Variants in XIAP observed in about 807,000 individuals in gnomAD.
XIAP encodes the protein X-linked inhibitor of apoptosis.
Under a neutral mutation model 33.1 loss-of-function variants are expected in XIAP, and 3 were observed. The ratio of observed to expected loss-of-function variants is 0.09; its 90% CI spans 0.04 to 0.23. The LOEUF is 0.23. Ranked by LOEUF, XIAP falls within the 10% of genes least tolerant of loss-of-function variation. The pLI, the probability that XIAP is intolerant of heterozygous loss-of-function variation, is 1.00. For missense variants in XIAP, 264 were observed against 363.0 expected (o/e 0.73, Z 2.22); for synonymous variants, 98 against 121.3 (o/e 0.81, Z 1.26).
At position 123,912,486 on chromosome X, in the gene XIAP, T is replaced by C; in HGVS notation, c.*5305T>C. On this transcript the variant is annotated 3_prime_UTR_variant, in exon 7 of 7. Transcript: ENST00000371199. ...CCTGTCTCTACAAAAAATACAAAAA[T>C]TAGCTGGGCATGGTGGTGTGTGCCT... 1 of 327,533 alleles carries C rather than the reference T, an allele frequency of 3.1e-6. No individual in the cohort carries two copies. The highest frequency in any genetic ancestry group is 5.9e-6 in the Non-Finnish European group (1 of 169,543). The allele number at this position is 327,533 out of a possible 1,213,427, so 27.0% of individuals were successfully genotyped here.
intron 1 of XIAP, among the ~76,000 whole-genome samples, chrX:123,866,601 TTATA>T (rs937641173): frequency 2.9e-5 from 3 of 102,469 alleles, no homozygotes; most frequent in Non-Finnish European, 3.9e-5. Flanking sequence ...GTATAATATA[TTATA>T]TATAATATAT....
intron 5 of XIAP, among the ~76,000 whole-genome samples, chrX:123,898,074 T>G (rs2053476946): frequency 8.9e-6 from 1 of 112,170 alleles, no homozygotes; most frequent in Admixed American, 9.5e-5. Flanking sequence ...AATCCTGCAC[T>G]TTTTTCTCCT....
At chrX:123,905,873 T>A (rs2053552653) in intron 6 of XIAP, among the ~76,000 whole-genome samples, 1 of 112,373 alleles carries the variant, frequency 8.9e-6, no homozygotes, top group South Asian at 3.7e-4. Context: ...ATGACAGTGG[T>A]TCTCAAACGC....
intron 5 of XIAP, among the ~76,000 whole-genome samples, chrX:123,894,653 A>G (rs1309888537): frequency 9.0e-6 from 1 of 111,016 alleles, no homozygotes; most frequent in Non-Finnish European, 1.9e-5. Context: ...CTGTAATCCC[A>G]GCTACTTGGG....
intron 1 of XIAP, among the ~76,000 whole-genome samples, chrX:123,883,459 A>G (rs1202289954): frequency 9.4e-6 from 1 of 105,997 alleles, no homozygotes; most frequent in Non-Finnish European, 1.9e-5. Context: ...TCATTAGCCT[A>G]TCAGGTAGCC....
chrX:123,888,706 A>G lies in XIAP; in HGVS notation c.965A>G (p.Lys322Arg), dbSNP rs760683983. The change falls in exon 3 of 7, where the codon AAA (lysine) becomes AGA (arginine). Residue 322 changes from lysine to arginine, a missense_variant. Physicochemically the swap from Lys to Arg is conservative, Grantham distance 26. Transcript: ENST00000371199. ...GAAGACCCTTGGGAACAACATGCTA[A>G]ATGGTATCCAGGGTAAGATATTTAA... ...PSEDPWEQHA[K>R]WYPGCKYLLE... The G allele has an allele frequency of 1.7e-6, 2 of 1,208,718 alleles. No individual in the cohort carries two copies. Among genetic ancestry groups the G allele is most frequent in the East Asian group, 3.0e-5 (1 of 33,848 alleles).
intron 1 of XIAP, among the ~76,000 whole-genome samples, chrX:123,864,845 G>A (rs1385472009): frequency 1.3e-4 from 3 of 23,670 alleles, no homozygotes; most frequent in African/African-American, 6.9e-4. Flanking sequence ...TTCACCGTGT[G>A]TGTGTGTGTG....
chrX:123,900,422 C>A (rs2053504799), intron 5 of XIAP, 71 bp from the exon 6 acceptor site: 3 of 914,079 alleles, frequency 3.3e-6, no homozygotes, highest in Non-Finnish European at 4.6e-6. Flanking sequence ...CTATATTTTG[C>A]TATTGAGTTG....
intron 1 of XIAP, among the ~76,000 whole-genome samples, chrX:123,883,476 TTTTTCTTTTC>T (rs1348793505): frequency 1.0e-5 from 1 of 99,163 alleles, no homozygotes; most frequent in Non-Finnish European, 2.0e-5. Context: ...AGCCTTGGTT[TTTTTCTTTTC>T]TTTTCTTTTC....
At chrX:123,861,975 AT>A (rs200571549) in intron 1 of XIAP, among the ~76,000 whole-genome samples, 2,621 of 112,564 alleles carry the variant, frequency 0.023, 42 homozygotes, top group Non-Finnish European at 0.034. Flanking sequence ...CTTTTAACAC[AT>A]TTAAAATATC....
intron 6 of XIAP, among the ~76,000 whole-genome samples, chrX:123,906,089 G>A (rs16999350): frequency 0.023 from 2,595 of 112,878 alleles, 64 homozygotes; most frequent in African/African-American, 0.078. Context: ...TGCCTAGCAC[G>A]TACTATTTAT....
At chrX:123,894,530 A>G (rs1413975051) in intron 5 of XIAP, among the ~76,000 whole-genome samples, 2 of 112,159 alleles carry the variant, frequency 1.8e-5, no homozygotes, top group Non-Finnish European at 3.8e-5. Flanking sequence ...GCACTTTGGG[A>G]GGCCAAGGCA....
rs1402537779 is a variant in XIAP at position 123,913,199 on chromosome X, C to T, written c.*6018C>T. ...CAAAGTAGACAAATGGCGCCGGGCACGGTGGCTCACGCCTGTAATCCCAGC... is the reference window on the plus strand; with the variant it reads ...CAAAGTAGACAAATGGCGCCGGGCATGGTGGCTCACGCCTGTAATCCCAGC... On this transcript the variant is annotated 3_prime_UTR_variant, in exon 7 of 7. Transcript: ENST00000371199. 2 of 328,306 alleles carry T rather than the reference C, an allele frequency of 6.1e-6. No homozygotes were observed. The highest frequency in any genetic ancestry group is 9.6e-4 in the Middle Eastern group (1 of 1,040). 27.1% of individuals were successfully genotyped at this position (328,306 alleles called of 1,213,427 possible). A position where few individuals can be genotyped will look rare whatever the true frequency, so the allele number is the denominator to read the frequency against.
intron 1 of XIAP, among the ~76,000 whole-genome samples, chrX:123,861,813 G>A (rs775999137): frequency 1.8e-5 from 2 of 111,628 alleles, no homozygotes; most frequent in South Asian, 7.4e-4. Context: ...GGTCAACTCA[G>A]CTGACAAAGC....
At chrX:123,867,619 G>A (rs2053154300) in intron 1 of XIAP, among the ~76,000 whole-genome samples, 1 of 106,120 alleles carries the variant, frequency 9.4e-6, no homozygotes, top group Non-Finnish European at 1.9e-5. Context: ...TGATCCGCCC[G>A]CCTTGGCCTC....
rs753143693 is a variant in XIAP at position 123,910,151 on chromosome X, T to G, written c.*2970T>G. On this transcript the variant is annotated 3_prime_UTR_variant, in exon 7 of 7. Coordinates refer to ENST00000371199, the MANE Select transcript of XIAP (RefSeq NM_001167.4). ...TGATCAAAAGCATTGTCTTAATTTT[T>G]GAGAACTGGTTTTAGCATTTACAAA... 9.2e-6 allele frequency: 3 copies of G among 327,217 alleles called. No homozygotes were observed. The highest frequency in any genetic ancestry group is 1.2e-5 in the Non-Finnish European group (2 of 168,798). The allele number at this position is 327,217 out of a possible 1,213,427, so 27.0% of individuals were successfully genotyped here.
chrX:123,901,564 CTT>C (rs1281923146), intron 6 of XIAP, among the ~76,000 whole-genome samples: 1 of 112,178 alleles, frequency 8.9e-6, no homozygotes, highest in Non-Finnish European at 1.9e-5. Context: ...GCTAAAAAAA[CTT>C]AAACGTTTAC....
At chrX:123,867,661 CGT>C (rs2053154874) in intron 1 of XIAP, among the ~76,000 whole-genome samples, 1 of 98,488 alleles carries the variant, frequency 1.0e-5, no homozygotes, top group Non-Finnish European at 2.0e-5. Context: ...TGTGAGCCCC[CGT>C]ACCTGGCCTT....
At chrX:123,879,144 G>C (rs1354302064) in intron 1 of XIAP, 4 of 110,539 alleles carry the variant, frequency 3.6e-5, no homozygotes, top group Non-Finnish European at 7.5e-5. Context: ...TGCTCTCTAA[G>C]CCATGTGGTG....
Sources: allele counts gnomAD v4.1 joint callset (sites outside exome capture counted in the v4.1 genomes callset), GRCh38; gene constraint gnomAD v4.1.1; transcripts MANE v1.5; gene names NCBI Gene and HGNC (gene_info 2026-07-23, HGNC 2026-07-21).